Variants in MICU2 observed in about 807,000 individuals in gnomAD.
MICU2 encodes calcium uptake protein 2, mitochondrial.
A neutral mutation model predicts 60.4 loss-of-function variants in MICU2; 64 were observed. That is an observed-to-expected ratio of 1.06 (90% CI 0.87 to 1.31). The LOEUF is 1.31. Ranked by LOEUF, MICU2 falls within the 50% of genes most tolerant of loss-of-function variation. The pLI, the probability that MICU2 is intolerant of heterozygous loss-of-function variation, is 0.00. For synonymous variants in MICU2, 201 were observed against 175.0 expected (o/e 1.15, Z -1.17); for missense variants, 569 against 531.0 (o/e 1.07, Z -0.70).
intron 1 of MICU2, among the ~76,000 whole-genome samples, chr13:21,603,065 T>G (rs908121639): frequency 1.3e-5 from 2 of 151,974 alleles, no homozygotes; most frequent in African/African-American, 4.8e-5. Flanking sequence ...GCCTCCCGGA[T>G]TCAAGCGGTT....
At chr13:21,580,646 T>C (rs1888328262) in intron 1 of MICU2, among the ~76,000 whole-genome samples, 3 of 150,654 alleles carry the variant, frequency 2.0e-5, no homozygotes, top group African/African-American at 7.3e-5. Context: ...TTGTCACTTT[T>C]AGTCTAAAAT....
At chr13:21,601,888 G>A (rs1888824924) in intron 1 of MICU2, among the ~76,000 whole-genome samples, 2 of 151,884 alleles carry the variant, frequency 1.3e-5, no homozygotes, top group South Asian at 2.1e-4. Flanking sequence ...GGCGGATCAC[G>A]AGGTCAGGAG....
chr13:21,563,576 G>A (rs1402375864), intron 2 of MICU2, among the ~76,000 whole-genome samples: 1 of 151,956 alleles, frequency 6.6e-6, no homozygotes, highest in African/African-American at 2.4e-5. Context: ...AATAATTTTG[G>A]AAAACTCAGT....
chr13:21,499,975 C>G (rs532842141), intron 9 of MICU2, among the ~76,000 whole-genome samples: 1 of 152,248 alleles, frequency 6.6e-6, no homozygotes, highest in African/African-American at 2.4e-5. Context: ...CTCAGGAGCA[C>G]AGGACAGCTT....
intron 1 of MICU2, among the ~76,000 whole-genome samples, chr13:21,597,209 CAATT>C (rs1222423580): frequency 1.3e-5 from 2 of 152,148 alleles, no homozygotes; most frequent in African/African-American, 2.4e-5. Flanking sequence ...TAGATGTCAT[CAATT>C]AATTCACCCA....
At chr13:21,598,571 C>T (rs1250117730) in intron 1 of MICU2, among the ~76,000 whole-genome samples, 2 of 152,082 alleles carry the variant, frequency 1.3e-5, no homozygotes, top group Non-Finnish European at 2.9e-5. Flanking sequence ...CAAAAATTAG[C>T]TGGGCGTGGT....
At chr13:21,603,742 C>G (rs1888881530) in intron 1 of MICU2, 197 bp downstream of exon 1, 1 of 605,260 alleles carries the variant, frequency 1.7e-6, no homozygotes, top group African/African-American at 2.0e-5. Context: ...TCACCAGCCT[C>G]GAAGGCCCTC....
At position 21,530,834 on chromosome 13, in the gene MICU2, T is replaced by C. The variant is rs1210660414; in HGVS notation, c.467-8184A>G. 9.6e-6 allele frequency: 7 copies of C among 730,398 alleles called. No homozygotes were observed. In the African/African-American group the frequency reaches 1.0e-4, roughly 11 times the overall value. The allele number at this position is 730,398 out of a possible 1,614,324, so 45.2% of individuals were successfully genotyped here. A position where few individuals can be genotyped will look rare whatever the true frequency, so the allele number is the denominator to read the frequency against. ...GGCCAGGCAAGCCGTGGTGCCCCCA[T>C]GGACGACGGGTTTCTGAGCCTGGAC... is the stretch of plus-strand genomic sequence containing the variant. On this transcript the variant is annotated intron_variant, in intron 4 of 11. Transcript: ENST00000382374.
At chr13:21,530,956 T>C in intron 4 of MICU2, 1 of 770,874 alleles carries the variant, frequency 1.3e-6, no homozygotes, top group Non-Finnish European at 2.4e-6. Context: ...CCAGATCATT[T>C]ACAGTGACAA....
At chr13:21,570,615 A>C (rs1268390759) in intron 1 of MICU2, among the ~76,000 whole-genome samples, 2 of 152,246 alleles carry the variant, frequency 1.3e-5, no homozygotes, top group East Asian at 1.9e-4. Flanking sequence ...AAACTCTTGA[A>C]GCATAAATTT....
intron 2 of MICU2, among the ~76,000 whole-genome samples, chr13:21,551,727 G>A (rs1321026350): frequency 6.6e-6 from 1 of 151,162 alleles, no homozygotes; most frequent in Non-Finnish European, 1.5e-5. Context: ...TGAGAATGAT[G>A]GTTTCCAGCT....
chr13:21,523,600 T>C (rs1886779517), intron 4 of MICU2, among the ~76,000 whole-genome samples: 1 of 152,214 alleles, frequency 6.6e-6, no homozygotes, highest in African/African-American at 2.4e-5. Flanking sequence ...GACCCTACCT[T>C]TGCCTCTGCA....
At chr13:21,586,726 T>C (rs1888467184) in intron 1 of MICU2, among the ~76,000 whole-genome samples, 1 of 152,176 alleles carries the variant, frequency 6.6e-6, no homozygotes, top group Non-Finnish European at 1.5e-5. Context: ...CAGCATATAT[T>C]TTAGTCTTCC....
At chr13:21,581,714 T>C (rs979441944) in intron 1 of MICU2, among the ~76,000 whole-genome samples, 1 of 152,210 alleles carries the variant, frequency 6.6e-6, no homozygotes, top group African/African-American at 2.4e-5. Flanking sequence ...CAGTCCCTTT[T>C]TGATATCTAG....
At chr13:21,562,667 C>A (rs1423768372) in intron 2 of MICU2, among the ~76,000 whole-genome samples, 1 of 152,158 alleles carries the variant, frequency 6.6e-6, no homozygotes, top group Non-Finnish European at 1.5e-5. Flanking sequence ...CAAAAGTATT[C>A]CCAATTCCTC....
At chr13:21,582,205 A>G (rs1888362457) in intron 1 of MICU2, among the ~76,000 whole-genome samples, 1 of 152,100 alleles carries the variant, frequency 6.6e-6, no homozygotes, top group Non-Finnish European at 1.5e-5. Flanking sequence ...CTTTCCCTCT[A>G]ATGACACAAT....
chr13:21,497,018 C>T (rs1353000929), intron 9 of MICU2, among the ~76,000 whole-genome samples: 1 of 151,816 alleles, frequency 6.6e-6, no homozygotes. Flanking sequence ...GCCGAGATCA[C>T]GCCACAGCAC....
At chr13:21,550,269 G>A (rs1887522509) in intron 2 of MICU2, among the ~76,000 whole-genome samples, 1 of 152,140 alleles carries the variant, frequency 6.6e-6, no homozygotes, top group Non-Finnish European at 1.5e-5. Context: ...CAGGTATGGT[G>A]GCTCACACCT....
At chr13:21,509,903 T>G (rs1886384823) in intron 8 of MICU2, 101 bp downstream of exon 8, 1 of 610,420 alleles carries the variant, frequency 1.6e-6, no homozygotes, top group African/African-American at 2.0e-5. Context: ...AAACAGTATT[T>G]TAGTTTTATG....
Sources: allele counts gnomAD v4.1 joint callset (sites outside exome capture counted in the v4.1 genomes callset), GRCh38; gene constraint gnomAD v4.1.1; transcripts MANE v1.5; gene names NCBI Gene and HGNC (gene_info 2026-07-23, HGNC 2026-07-21).